SLC35H1: variants seen among roughly 807,000 people sequenced by gnomAD.
SLC35H1 encodes the protein ovarian cancer-overexpressed gene 1 protein.
At chr20:46,354,476 C>T in the SLC35H1 span, among the ~76,000 whole-genome samples, 1 of 152,170 alleles carries the variant, frequency 6.6e-6, no homozygotes, top group Non-Finnish European at 1.5e-5. Flanking sequence ...CACTTGGAGC[C>T]AGGCTGCTGG....
At chr20:46,354,828 A>G in the SLC35H1 span, 1 of 1,460,718 alleles carries the variant, frequency 6.8e-7, no homozygotes. Flanking sequence ...GCTCAGGGCG[A>G]GGATCTGTGG....
chr20:46,354,715 G>C, the SLC35H1 span, among the ~76,000 whole-genome samples: 1 of 152,152 alleles, frequency 6.6e-6, no homozygotes, highest in African/African-American at 2.4e-5. Context: ...TTTTATATGT[G>C]CTTTCTCTGT....
chr20:46,356,659 C>T, the SLC35H1 span: 5 of 1,611,050 alleles, frequency 3.1e-6, no homozygotes, highest in South Asian at 1.1e-5. Context: ...CAGGCACCCA[C>T]AGGACAGCTT....
At chr20:46,354,583 A>G in the SLC35H1 span, among the ~76,000 whole-genome samples, 1 of 152,086 alleles carries the variant, frequency 6.6e-6, no homozygotes, top group Non-Finnish European at 1.5e-5. Flanking sequence ...ATGGGGGATA[A>G]TAATAGTACT....
At chr20:46,361,441 T>C in the SLC35H1 span, among the ~76,000 whole-genome samples, 1 of 152,204 alleles carries the variant, frequency 6.6e-6, no homozygotes, top group East Asian at 1.9e-4. Context: ...CGGTTCTCTC[T>C]ACTTCTCCTG....
chr20:46,358,672 C>A, the SLC35H1 span: 469 of 1,551,558 alleles, frequency 3.0e-4, no homozygotes, highest in Non-Finnish European at 3.8e-4. Context: ...ATCAGCAGAG[C>A]CCCAGGCAGA....
At chr20:46,352,034 C>G in the SLC35H1 span, 3 of 1,612,774 alleles carry the variant, frequency 1.9e-6, no homozygotes, top group South Asian at 3.3e-5. Flanking sequence ...GGACTGGCAT[C>G]ACGCCCGAGT....
At chr20:46,354,815 T>G in the SLC35H1 span, 2 of 1,376,566 alleles carry the variant, frequency 1.5e-6, no homozygotes, top group African/African-American at 1.4e-5. Context: ...ACCACTGTGT[T>G]GGGCTCAGGG....
the SLC35H1 span, among the ~76,000 whole-genome samples, chr20:46,351,555 C>T: frequency 8.5e-5 from 13 of 152,310 alleles, no homozygotes; most frequent in South Asian, 4.1e-4. Flanking sequence ...GACAGGCCTG[C>T]GAGGCAGAGG....
the SLC35H1 span, chr20:46,350,359 G>A: frequency 1.0e-5 from 16 of 1,569,374 alleles, no homozygotes; most frequent in African/African-American, 2.0e-4. Flanking sequence ...GCAGGCTGGG[G>A]AGTGGCCTGC....
At chr20:46,355,202 C>A in the SLC35H1 span, 2 of 1,613,956 alleles carry the variant, frequency 1.2e-6, no homozygotes, top group Non-Finnish European at 1.7e-6. This position sits in a 1 kb window ranked among gnomAD's most constrained non-coding sequence, Gnocchi z 4.8. Context: ...ATGAAGAGAC[C>A]CCCGGCGATG....
the SLC35H1 span, chr20:46,358,375 G>C: frequency 1.2e-6 from 2 of 1,612,506 alleles, no homozygotes; most frequent in Non-Finnish European, 1.7e-6. Context: ...CCCCAGCAAG[G>C]CCTCCTGGTA....
the SLC35H1 span, chr20:46,347,703 A>G: frequency 6.6e-6 from 1 of 152,220 alleles, no homozygotes; most frequent in Non-Finnish European, 1.5e-5. Flanking sequence ...GATGGAGACA[A>G]TCCCTTGAGC....
the SLC35H1 span, chr20:46,352,199 A>AT: frequency 5.6e-6 from 9 of 1,614,034 alleles, no homozygotes; most frequent in African/African-American, 9.3e-5. Context: ...GAAACGGAAG[A>AT]TTTTCTCAGA....
At chr20:46,357,849 C>A in the SLC35H1 span, 21 of 1,549,114 alleles carry the variant, frequency 1.4e-5, no homozygotes, top group Admixed American at 1.6e-4. Flanking sequence ...TTCCTCTTCG[C>A]CCCTCTGCTG....
At chr20:46,360,200 T>G in the SLC35H1 span, among the ~76,000 whole-genome samples, 1 of 152,202 alleles carries the variant, frequency 6.6e-6, no homozygotes, top group Non-Finnish European at 1.5e-5. Context: ...GTGCAGTGTT[T>G]CCATGGTTCT....
At chr20:46,347,367 G>A in the SLC35H1 span, 2 of 152,246 alleles carry the variant, frequency 1.3e-5, no homozygotes, top group African/African-American at 4.8e-5. Context: ...CAAAGGCCTA[G>A]ATGGTGCCCA....
At chr20:46,357,198 G>C in the SLC35H1 span, among the ~76,000 whole-genome samples, 1 of 152,234 alleles carries the variant, frequency 6.6e-6, no homozygotes. Context: ...CTTGGCACCT[G>C]GCCTAGGAAA....
chr20:46,357,573 G>T, the SLC35H1 span: 1 of 1,588,964 alleles, frequency 6.3e-7, no homozygotes, highest in Non-Finnish European at 8.6e-7. Context: ...TCATCCTATG[G>T]TTCCCCAGCC....
Sources: allele counts gnomAD v4.1 joint callset (sites outside exome capture counted in the v4.1 genomes callset), GRCh38; gene constraint gnomAD v4.1.1; non-coding constraint Gnocchi (gnomAD v3.1); transcripts MANE v1.5; gene names NCBI Gene and HGNC (gene_info 2026-07-23, HGNC 2026-07-21).